The following AMPD3 variants were observed in gnomAD, a reference collection of about 807,000 sequenced individuals.
The protein encoded by AMPD3 is AMP deaminase 3.
A neutral mutation model predicts 82.3 loss-of-function variants in AMPD3; 57 were observed. That is an observed-to-expected ratio of 0.69 (90% CI 0.56 to 0.86). AMPD3 has a LOEUF of 0.86. Ranked by LOEUF, AMPD3 falls within the 40% of genes least tolerant of loss-of-function variation. The probability of loss-of-function intolerance (pLI) is 0.00; values close to 1 mark genes in which losing one functional copy is unlikely to be tolerated. For synonymous variants in AMPD3, 381 were observed against 394.7 expected (o/e 0.97, Z 0.41); for missense variants, 870 against 1,003.8 (o/e 0.87, Z 1.80).
chr11:10,484,522 A>G (rs564780223), intron 4 of AMPD3: 2 of 983,884 alleles, frequency 2.0e-6, no homozygotes, highest in Non-Finnish European at 2.4e-6. Context: ...AGTGCTAGCC[A>G]TGTGCCAGGG....
In AMPD3 at chr11:10,484,253, G is replaced by A. The variant is rs1848998385; in HGVS notation, c.590-567G>A. On this transcript the variant is annotated intron_variant, in intron 4 of 14. Transcript: ENST00000396553. ...CTAACCTTAACCTATAGTGGTTGGG[G>A]GCAGATGGCTTTATCATTGGCATTC... 3.0e-6 allele frequency: 3 copies of A among 985,174 alleles called. No individual in the cohort carries two copies. In the South Asian group the frequency reaches 1.4e-4, roughly 46 times the overall value. The allele number at this position is 985,174 out of a possible 1,614,324, so 61.0% of individuals were successfully genotyped here.
rs762169437 is a variant in AMPD3, at chr11:10,493,511, G to A, written c.1102G>A (p.Asp368Asn). The A allele has an allele frequency of 1.7e-5, 28 of 1,614,010 alleles. No homozygotes were observed. The East Asian group carries it at 5.3e-4, about 31-fold the overall frequency. ...TGACGGCCTGCACATGGACCCCTAC[G>A]ACCTCACTGTGGACTCACTGGATGT... ...VFDGLHMDPY[D>N]LTVDSLDVHA... is the part of the protein sequence containing the mutation. The change falls in exon 7 of 15, where the codon GAC (aspartate) becomes AAC (asparagine). Residue 368 changes from aspartate to asparagine, a missense_variant. Physicochemically the swap from Asp to Asn is conservative, Grantham distance 23 (BLOSUM62 1). Coordinates refer to ENST00000396553, the MANE Select transcript of AMPD3 (RefSeq NM_001025389.2).
At chr11:10,490,247 C>G (rs1012853900) in intron 6 of AMPD3, among the ~76,000 whole-genome samples, 2 of 152,206 alleles carry the variant, frequency 1.3e-5, no homozygotes, top group African/African-American at 4.8e-5. Flanking sequence ...CACTTGTTTT[C>G]TATGCAGAAG....
chr11:10,501,301 G>A, intron 11 of AMPD3, 169 bp from the exon 12 acceptor site: 1 of 985,192 alleles, frequency 1.0e-6, no homozygotes, highest in South Asian at 4.7e-5. Context: ...GGGGCCCCAG[G>A]GCCTGGACCT....
intron 6 of AMPD3, chr11:10,488,223 C>T: frequency 2.0e-6 from 2 of 985,476 alleles, no homozygotes; most frequent in Non-Finnish European, 2.4e-6. Context: ...TGGCCCTAGC[C>T]TTTCCATTCT....
chr11:10,456,534 G>A lies in AMPD3; in HGVS notation c.-6+1086G>A. On this transcript the variant is annotated intron_variant, in intron 1 of 14. Transcript: ENST00000396553. The surrounding 1 kb of genome is among the most constrained non-coding windows in gnomAD (Gnocchi z 4.3). ...GTGGCACCATGAAAAGTTACTGTTT[G>A]TTGAAACTGGCAGTGTTTTAGAACT... The A allele has an allele frequency of 6.2e-7, 1 of 1,602,726 alleles. No homozygotes were observed. Among genetic ancestry groups the A allele is most frequent in the Non-Finnish European group, 8.5e-7 (1 of 1,174,226 alleles).
In AMPD3 at chr11:10,456,372, T is replaced by A. The variant is rs771774434; in HGVS notation, c.-6+924T>A. 1.9e-6 allele frequency: 3 copies of A among 1,613,684 alleles called. No individual in the cohort carries two copies. Among genetic ancestry groups the A allele is most frequent in the Non-Finnish European group, 2.5e-6 (3 of 1,179,664 alleles). ...ACCCGGGTGCATCACTTGAGTGGCA[T>A]CTTCAGGACCAGTCATGGAGCCAGG... On this transcript the variant is annotated intron_variant, in intron 1 of 14. Coordinates refer to ENST00000396553, the MANE Select transcript of AMPD3 (RefSeq NM_001025389.2). The surrounding 1 kb of genome is among the most constrained non-coding windows in gnomAD (Gnocchi z 4.3).
rs777950327 is a variant in AMPD3, at chr11:10,461,304, T to C, written c.-5-211T>C. The C allele has an allele frequency of 9.6e-5, 149 of 1,551,050 alleles. 1 individual carries two copies. Among genetic ancestry groups the C allele is most frequent in the Middle Eastern group, 2.3e-4 (1 of 4,270 alleles). ...CTTTGAATTTTGAACACTTGCTTTC[T>C]CCTGACACCTAAGTGGCCCTACATG... On this transcript the variant is annotated intron_variant, in intron 1 of 14. Coordinates refer to ENST00000396553, the MANE Select transcript of AMPD3 (RefSeq NM_001025389.2).
intron 2 of AMPD3, among the ~76,000 whole-genome samples, chr11:10,471,334 A>G (rs1374224802): frequency 1.3e-5 from 2 of 152,230 alleles, no homozygotes; most frequent in African/African-American, 2.4e-5. Flanking sequence ...ACTTAAATGT[A>G]AGACCTAAAC....
intron 2 of AMPD3, chr11:10,476,970 C>A: frequency 1.0e-6 from 1 of 985,446 alleles, no homozygotes; most frequent in Non-Finnish European, 1.2e-6. Flanking sequence ...AAAGGAGCCA[C>A]CTCTGTCTTG....
At position 10,484,851 on chromosome 11, in the gene AMPD3, C is replaced by A; in HGVS notation, c.621C>A (p.Asp207Glu). The A allele has an allele frequency of 6.2e-7, 1 of 1,614,116 alleles. No individual in the cohort carries two copies. Among genetic ancestry groups the A allele is most frequent in the Non-Finnish European group, 8.5e-7 (1 of 1,180,024 alleles). Residue 207 changes from aspartate to glutamate, a missense_variant, in exon 5 of 15, where the codon GAC (aspartate) becomes GAA (glutamate). Transcript: ENST00000396553. ...DFHPPPLPQE[D>E]PYCLDDAPPN... Reference sequence around the variant, plus strand: ...ACCCTCCTCCACTGCCCCAGGAAGACCCCTACTGCCTGGATGATGCACCCC... The same window carrying A: ...ACCCTCCTCCACTGCCCCAGGAAGAACCCTACTGCCTGGATGATGCACCCC...
intron 2 of AMPD3, among the ~76,000 whole-genome samples, chr11:10,465,351 G>A (rs80192866): frequency 0.037 from 5,578 of 152,278 alleles, 132 homozygotes; most frequent in Non-Finnish European, 0.059. Flanking sequence ...GAGGAAGAAT[G>A]CAGGAATTAT....
At chr11:10,476,304 C>A (rs2133870739) in intron 2 of AMPD3, among the ~76,000 whole-genome samples, 1 of 152,292 alleles carries the variant, frequency 6.6e-6, no homozygotes, top group East Asian at 1.9e-4. Context: ...TGGAGCTCAA[C>A]TGAAGACCAA....
intron 4 of AMPD3, among the ~76,000 whole-genome samples, chr11:10,483,497 C>G (rs1033271979): frequency 1.3e-5 from 2 of 152,190 alleles, no homozygotes; most frequent in African/African-American, 4.8e-5. Context: ...GTCCTACCAC[C>G]CCAGTTTTGG....
At chr11:10,461,944 C>G (rs1046075910) in intron 2 of AMPD3, among the ~76,000 whole-genome samples, 6 of 152,112 alleles carry the variant, frequency 3.9e-5, no homozygotes, top group Non-Finnish European at 8.8e-5. Flanking sequence ...GATCAAAACC[C>G]ACTTTGCTGC....
chr11:10,455,648 G>T (rs1848071145), intron 1 of AMPD3, among the ~76,000 whole-genome samples, 200 bp downstream of exon 1: 1 of 152,190 alleles, frequency 6.6e-6, no homozygotes, highest in East Asian at 1.9e-4. Flanking sequence ...CCTGTCCTCT[G>T]TCCGCCTCTG....
At chr11:10,496,724 G>A (rs560836894) in intron 9 of AMPD3, 88 bp from the exon 10 acceptor site, 3 of 1,603,202 alleles carry the variant, frequency 1.9e-6, no homozygotes, top group Non-Finnish European at 2.6e-6. Context: ...GGGGACACAG[G>A]GTGCCTGAGG....
At position 10,501,285 on chromosome 11, in the gene AMPD3, T is replaced by C. The variant is rs1053269893; in HGVS notation, c.1722-185T>C. 9 of 985,092 alleles carry C rather than the reference T, an allele frequency of 9.1e-6. No individual in the cohort carries two copies. The African/African-American group carries it at 1.2e-4, about 13-fold the overall frequency. 61.0% of individuals were successfully genotyped at this position (985,092 alleles called of 1,614,324 possible). A position where few individuals can be genotyped will look rare whatever the true frequency, so the allele number is the denominator to read the frequency against. On this transcript the variant is annotated intron_variant, in intron 11 of 14. Transcript: ENST00000396553. ...TGCCCGTAGAGGTGATGCTTCTTGG[T>C]TCTAAGGGGCCCCAGGGCCTGGACC...
At chr11:10,469,508 C>T (rs1266929968) in intron 2 of AMPD3, among the ~76,000 whole-genome samples, 1 of 152,138 alleles carries the variant, frequency 6.6e-6, no homozygotes, top group Non-Finnish European at 1.5e-5. Context: ...TAATGAATAG[C>T]CTACCAACCA....
Sources: gnomAD v4.1 joint callset for allele counts (sites outside exome capture counted in the v4.1 genomes callset) on GRCh38, gnomAD v4.1.1 for gene constraint, Gnocchi (gnomAD v3.1) non-coding constraint, MANE v1.5 for transcripts, NCBI Gene and HGNC (gene_info 2026-07-23, HGNC 2026-07-21) for gene names.